Variants in GALNTL6 observed in about 807,000 individuals in gnomAD.
GALNTL6 encodes the protein polypeptide N-acetylgalactosaminyltransferase like 6.
In GALNTL6, 46 loss-of-function variants were observed where a neutral mutation model predicts 73.7. That is an observed-to-expected ratio of 0.62 (90% CI 0.49 to 0.80). GALNTL6 has a LOEUF of 0.80. GALNTL6 is among the 30% of genes least tolerant of loss of function. The pLI is 0.00. For synonymous variants in GALNTL6, 259 were observed against 263.7 expected, an observed-to-expected ratio of 0.98 and a Z score of 0.17; for missense variants, 604 against 755.0, an observed-to-expected ratio of 0.80 and a Z score of 2.34.
chr4:172,558,650 C>G (rs1031854082), intron 5 of GALNTL6, among the ~76,000 whole-genome samples: 1 of 151,976 alleles, frequency 6.6e-6, no homozygotes, highest in Non-Finnish European at 1.5e-5. Flanking sequence ...TTTAAGCCAC[C>G]GAGTCTGTGC....
intron 7 of GALNTL6, among the ~76,000 whole-genome samples, chr4:172,841,859 G>A (rs1743231049): frequency 6.6e-6 from 1 of 152,100 alleles, no homozygotes; most frequent in Admixed American, 6.5e-5. Flanking sequence ...TTATTCTCTA[G>A]CATCCTAACA....
At chr4:172,898,291 T>TAC (rs5741949) in intron 8 of GALNTL6, among the ~76,000 whole-genome samples, 346 of 147,406 alleles carry the variant, frequency 2.3e-3, no homozygotes, top group Middle Eastern at 7.0e-3. Flanking sequence ...TATACTTTAT[T>TAC]ACACACACAC....
intron 2 of GALNTL6, among the ~76,000 whole-genome samples, chr4:172,123,686 G>A (rs945283377): frequency 6.6e-6 from 1 of 151,756 alleles, no homozygotes. Flanking sequence ...ATTTTTAGTA[G>A]AGATGGGTTT....
intron 5 of GALNTL6, among the ~76,000 whole-genome samples, chr4:172,360,539 C>T (rs147944478): frequency 1.8e-4 from 27 of 152,202 alleles, no homozygotes; most frequent in Non-Finnish European, 2.8e-4. Context: ...CCTAAATGAA[C>T]GGTTTTATTG....
chr4:172,383,578 T>A (rs1273712975), intron 5 of GALNTL6, among the ~76,000 whole-genome samples: 2 of 152,178 alleles, frequency 1.3e-5, no homozygotes, highest in Non-Finnish European at 2.9e-5. Context: ...ATCTGAATAC[T>A]TACTTCCTTT....
At chr4:172,671,670 A>G (rs1560870359) in intron 5 of GALNTL6, among the ~76,000 whole-genome samples, 1 of 152,120 alleles carries the variant, frequency 6.6e-6, no homozygotes, top group Non-Finnish European at 1.5e-5. Flanking sequence ...CTGATTGCCC[A>G]GGCCAGGACT....
chr4:171,829,267 G>A (rs1734902476), intron 2 of GALNTL6, among the ~76,000 whole-genome samples: 1 of 152,074 alleles, frequency 6.6e-6, no homozygotes, highest in South Asian at 2.1e-4. Flanking sequence ...CTGGACTTCT[G>A]TGAGACACCC....
intron 5 of GALNTL6, among the ~76,000 whole-genome samples, chr4:172,589,721 G>A (rs1452032857): frequency 6.6e-6 from 1 of 152,144 alleles, no homozygotes; most frequent in Non-Finnish European, 1.5e-5. Context: ...ACATCTCCCA[G>A]CTATTTTTCT....
intron 5 of GALNTL6, among the ~76,000 whole-genome samples, chr4:172,794,605 G>A (rs1238664955): frequency 6.6e-6 from 1 of 152,162 alleles, no homozygotes; most frequent in East Asian, 1.9e-4. Flanking sequence ...CTCAAGCAAG[G>A]GCTTTCACCA....
chr4:172,117,380 TGA>T (rs1475213335), intron 2 of GALNTL6, among the ~76,000 whole-genome samples: 3 of 152,224 alleles, frequency 2.0e-5, no homozygotes, highest in African/African-American at 7.2e-5. Context: ...AATGAAACAC[TGA>T]GTCCTTATTA....
At chr4:172,772,031 C>T (rs138371412) in intron 5 of GALNTL6, among the ~76,000 whole-genome samples, 6 of 152,066 alleles carry the variant, frequency 3.9e-5, no homozygotes, top group South Asian at 2.1e-4. Context: ...ACAATCATGG[C>T]GAAAGGTGAA....
At chr4:172,663,998 A>G (rs572973260) in intron 5 of GALNTL6, among the ~76,000 whole-genome samples, 2 of 152,112 alleles carry the variant, frequency 1.3e-5, no homozygotes, top group East Asian at 3.9e-4. Flanking sequence ...TCCACACCCA[A>G]TATGCAACTG....
chr4:172,015,478 G>T (rs994022373), intron 2 of GALNTL6, among the ~76,000 whole-genome samples: 1 of 152,034 alleles, frequency 6.6e-6, no homozygotes, highest in Non-Finnish European at 1.5e-5. Context: ...CAGATACTTG[G>T]TTGATGGATT....
At chr4:172,787,226 G>A (rs1407347951) in intron 5 of GALNTL6, among the ~76,000 whole-genome samples, 3 of 152,190 alleles carry the variant, frequency 2.0e-5, no homozygotes, top group Non-Finnish European at 2.9e-5. Flanking sequence ...TTCAAAACAA[G>A]ATCACATTAT....
Position 172,727,952 on chromosome 4 carries a change from A to T in GALNTL6, c.554-81409A>T, listed in dbSNP as rs541163289. ...TTTTGAGACAGAGTCTCGCTGTATC[A>T]CCCAGGCTGGAGTGCAGTGGCGGGA... On this transcript the variant is annotated intron_variant, in intron 5 of 12. Coordinates refer to ENST00000506823, the MANE Select transcript of GALNTL6 (RefSeq NM_001034845.3). Among the ~76,000 whole-genome samples, 9 of 151,910 alleles carry T rather than the reference A, an allele frequency of 5.9e-5. No homozygotes were observed. The East Asian group carries it at 1.7e-3, about 29-fold the overall frequency.
At chr4:172,434,834 A>G (rs745606627) in intron 5 of GALNTL6, among the ~76,000 whole-genome samples, 20 of 151,884 alleles carry the variant, frequency 1.3e-4, no homozygotes, top group Non-Finnish European at 2.4e-4. Flanking sequence ...TCCTCTATAT[A>G]CTTTCTGATC....
At chr4:172,197,231 A>G (rs1289772582) in intron 2 of GALNTL6, among the ~76,000 whole-genome samples, 2 of 151,764 alleles carry the variant, frequency 1.3e-5, no homozygotes, top group South Asian at 2.1e-4. Context: ...GCATCTAACA[A>G]GGGAAGTGAA....
intron 2 of GALNTL6, among the ~76,000 whole-genome samples, chr4:171,950,292 C>T (rs1180630472): frequency 6.6e-6 from 1 of 151,788 alleles, no homozygotes; most frequent in East Asian, 1.9e-4. Flanking sequence ...AAGGAATGTA[C>T]TTAGGGTAAT....
chr4:171,929,721 G>A (rs1423641108), intron 2 of GALNTL6, among the ~76,000 whole-genome samples: 4 of 152,208 alleles, frequency 2.6e-5, no homozygotes, highest in Non-Finnish European at 5.9e-5. Context: ...CCTGCTGGAG[G>A]CATTCACACG....
Sources: allele counts gnomAD v4.1 joint callset (sites outside exome capture counted in the v4.1 genomes callset), GRCh38; gene constraint gnomAD v4.1.1; transcripts MANE v1.5; gene names NCBI Gene and HGNC (gene_info 2026-07-23, HGNC 2026-07-21).